Variants in KCNAB1 observed in about 807,000 individuals in gnomAD.
KCNAB1 encodes potassium voltage-gated channel subfamily A regulatory beta subunit 1.
KCNAB1 carries 35 observed loss-of-function variants against 64.6 expected under a neutral mutation model. The observed-to-expected ratio is 0.54, with a 90% CI of 0.41 to 0.72. The LOEUF is 0.72. Among genes scored for constraint, KCNAB1 ranks in the 30% least tolerant of loss-of-function variants. KCNAB1 has a pLI of 0.00. For missense variants in KCNAB1, 401 were observed against 512.9 expected, an observed-to-expected ratio of 0.78 and a Z score of 2.11; for synonymous variants, 177 against 183.8, an observed-to-expected ratio of 0.96 and a Z score of 0.30.
At chr3:156,218,452 T>C (rs543007296) in intron 1 of KCNAB1, among the ~76,000 whole-genome samples, 1 of 152,332 alleles carries the variant, frequency 6.6e-6, no homozygotes, top group Admixed American at 6.5e-5. Context: ...TTGGTAGCTC[T>C]ATAGCCCTGC....
Position 156,250,278 on chromosome 3 carries a change from G to A in KCNAB1, c.275+129392G>A, listed in dbSNP as rs113412472. Among the ~76,000 whole-genome samples, 50 of 152,264 alleles carry A rather than the reference G, an allele frequency of 3.3e-4. 1 individual carries two copies. Among genetic ancestry groups the A allele is most frequent in the African/African-American group, 1.1e-3 (44 of 41,556 alleles). Reference sequence around the variant, plus strand: ...ACAGTCCATCCTTTCTAACAAGGGAGGGCAAGTCCAGAGGGCTTATAAGGG... The same window carrying A: ...ACAGTCCATCCTTTCTAACAAGGGAAGGCAAGTCCAGAGGGCTTATAAGGG... On this transcript the variant is annotated intron_variant, in intron 1 of 13. Transcript: ENST00000490337.
At chr3:156,167,429 T>G (rs1560116796) in intron 1 of KCNAB1, among the ~76,000 whole-genome samples, 1 of 152,194 alleles carries the variant, frequency 6.6e-6, no homozygotes, top group Non-Finnish European at 1.5e-5. Context: ...TGGAAATTTC[T>G]GAAATAACCT....
At chr3:156,308,526 C>T (rs1209018705) in intron 1 of KCNAB1, among the ~76,000 whole-genome samples, 1 of 152,192 alleles carries the variant, frequency 6.6e-6, no homozygotes, top group Admixed American at 6.5e-5. Flanking sequence ...GGGATGGAAA[C>T]AGTGAGAAGC....
chr3:156,448,568 G>A (rs1199594856), intron 2 of KCNAB1, among the ~76,000 whole-genome samples: 2 of 152,140 alleles, frequency 1.3e-5, no homozygotes, highest in Non-Finnish European at 2.9e-5. Context: ...TTACCCATCT[G>A]CTTGCTGGAG....
intron 1 of KCNAB1, among the ~76,000 whole-genome samples, chr3:156,233,937 G>A (rs1447829745): frequency 6.6e-6 from 1 of 151,868 alleles, no homozygotes; most frequent in Admixed American, 6.6e-5. Context: ...ACTTGTAAAA[G>A]TGGAAATGAC....
At chr3:156,199,422 G>C (rs959875776) in intron 1 of KCNAB1, among the ~76,000 whole-genome samples, 8 of 152,150 alleles carry the variant, frequency 5.3e-5, no homozygotes, top group African/African-American at 1.9e-4. Flanking sequence ...TTCCAACTTG[G>C]TTCCATTCTC....
chr3:156,473,603 C>T (rs1418063170), intron 7 of KCNAB1, among the ~76,000 whole-genome samples: 1 of 152,184 alleles, frequency 6.6e-6, no homozygotes, highest in Non-Finnish European at 1.5e-5. Flanking sequence ...GCTACCATCA[C>T]AGACAATCCT....
chr3:156,187,309 T>C (rs7617514), intron 1 of KCNAB1, among the ~76,000 whole-genome samples: 22,217 of 152,158 alleles, frequency 0.15, 1,779 homozygotes, highest in African/African-American at 0.18. Flanking sequence ...AATGAACTAC[T>C]GCTTATAACT....
At chr3:156,319,249 C>G (rs1722495267) in intron 1 of KCNAB1, among the ~76,000 whole-genome samples, 1 of 152,160 alleles carries the variant, frequency 6.6e-6, no homozygotes, top group African/African-American at 2.4e-5. Context: ...CCAGGTTATG[C>G]TGCAGGTGCA....
chr3:156,524,824 C>G (rs1358480990), intron 12 of KCNAB1, among the ~76,000 whole-genome samples: 1 of 148,422 alleles, frequency 6.7e-6, no homozygotes. Flanking sequence ...TAATATGAAC[C>G]ACATTCAATC....
At chr3:156,487,463 T>C (rs143510570) in intron 8 of KCNAB1, among the ~76,000 whole-genome samples, 1 of 152,308 alleles carries the variant, frequency 6.6e-6, no homozygotes, top group Non-Finnish European at 1.5e-5. Context: ...ATGTTAAGTT[T>C]TATGTATTTG....
intron 1 of KCNAB1, among the ~76,000 whole-genome samples, chr3:156,209,637 C>A (rs760813712): frequency 6.6e-5 from 10 of 152,118 alleles, no homozygotes; most frequent in Non-Finnish European, 2.9e-5. Context: ...ACTTTCAGGT[C>A]ACAGATGTGA....
intron 1 of KCNAB1, among the ~76,000 whole-genome samples, chr3:156,217,326 C>G (rs1243906669): frequency 6.6e-6 from 1 of 152,088 alleles, no homozygotes; most frequent in Non-Finnish European, 1.5e-5. Flanking sequence ...AATATGTTAA[C>G]AACAGCAACA....
Position 156,279,541 on chromosome 3 carries a change from C to A in KCNAB1, c.276-142075C>A, listed in dbSNP as rs1719563845. Among the ~76,000 whole-genome samples, 3 of 152,072 alleles carry A rather than the reference C, an allele frequency of 2.0e-5. No homozygotes were observed. The South Asian group carries it at 6.2e-4, about 32-fold the overall frequency. Reference sequence around the variant, plus strand: ...GTTCTAGATCCCTGAGGAGTCGCCACACTGACTTCCACAATGGTTGAACTA... The same window carrying A: ...GTTCTAGATCCCTGAGGAGTCGCCAAACTGACTTCCACAATGGTTGAACTA... On this transcript the variant is annotated intron_variant, in intron 1 of 13. Coordinates refer to ENST00000490337, the MANE Select transcript of KCNAB1 (RefSeq NM_172160.3).
intron 1 of KCNAB1, among the ~76,000 whole-genome samples, chr3:156,190,987 G>T (rs957311295): frequency 6.6e-6 from 1 of 152,160 alleles, no homozygotes; most frequent in African/African-American, 2.4e-5. Context: ...ACTACTGTGT[G>T]TTTTTAAATA....
chr3:156,478,327 T>C (rs943775511), intron 8 of KCNAB1, among the ~76,000 whole-genome samples: 3 of 152,198 alleles, frequency 2.0e-5, no homozygotes, highest in Non-Finnish European at 4.4e-5. Context: ...TAAATCTACA[T>C]TTATTAATAC....
chr3:156,479,430 T>C (rs1031372308), intron 8 of KCNAB1, among the ~76,000 whole-genome samples: 1 of 152,106 alleles, frequency 6.6e-6, no homozygotes, highest in Non-Finnish European at 1.5e-5. Flanking sequence ...TTTTTGTTTG[T>C]TTCTTTTGAC....
chr3:156,182,630 C>CCG (rs1491324386), intron 1 of KCNAB1, among the ~76,000 whole-genome samples: 1 of 111,386 alleles, frequency 9.0e-6, no homozygotes, highest in Non-Finnish European at 2.0e-5. Flanking sequence ...GTTTTTTTTT[C>CCG]CCCCCCCCGG....
intron 1 of KCNAB1, among the ~76,000 whole-genome samples, chr3:156,240,990 CTGAAAGG>C (rs1717131041): frequency 6.6e-6 from 1 of 152,172 alleles, no homozygotes; most frequent in African/African-American, 2.4e-5. Flanking sequence ...GCCATCCCAC[CTGAAAGG>C]TGAGGGAGCT....
Sources: gnomAD v4.1 joint callset for allele counts (sites outside exome capture counted in the v4.1 genomes callset) on GRCh38, gnomAD v4.1.1 for gene constraint, MANE v1.5 for transcripts, NCBI Gene and HGNC (gene_info 2026-07-23, HGNC 2026-07-21) for gene names.